The following SLCO2A1 variants were observed in gnomAD, a reference collection of about 807,000 sequenced individuals.
SLCO2A1 encodes the protein solute carrier organic anion transporter family member 2A1.
A neutral mutation model predicts 71.7 loss-of-function variants in SLCO2A1; 60 were observed. The ratio of observed to expected loss-of-function variants is 0.84; its 90% confidence interval spans 0.68 to 1.04. The LOEUF (loss-of-function observed/expected upper bound fraction) is 1.04. Ranked by LOEUF, SLCO2A1 falls within the 50% of genes least tolerant of loss-of-function variation. The pLI, the probability that SLCO2A1 is intolerant of heterozygous loss-of-function variation, is 0.00. For synonymous variants in SLCO2A1, 308 were observed against 326.7 expected (o/e 0.94, Z 0.62); for missense variants, 745 against 813.4 (o/e 0.92, Z 1.02).
intron 4 of SLCO2A1, among the ~76,000 whole-genome samples, chr3:133,954,738 G>A (rs1933838604): frequency 6.6e-6 from 1 of 152,176 alleles, no homozygotes; most frequent in South Asian, 2.1e-4. Flanking sequence ...TCCTCCTGGA[G>A]GTGAGAAACC....
chr3:134,017,866 G>T (rs1354120166), intron 1 of SLCO2A1, among the ~76,000 whole-genome samples: 1 of 152,170 alleles, frequency 6.6e-6, no homozygotes, highest in Non-Finnish European at 1.5e-5. Context: ...GGGAAGCCAC[G>T]TGCACATCTC....
intron 3 of SLCO2A1, among the ~76,000 whole-genome samples, chr3:133,960,793 G>A (rs936160208): frequency 6.6e-6 from 1 of 152,120 alleles, no homozygotes. Flanking sequence ...TATGAGAGAG[G>A]CAGCAGACCC....
chr3:133,949,102 T>C (rs1933669305), intron 6 of SLCO2A1, 131 bp from the exon 7 acceptor site: 1 of 696,448 alleles, frequency 1.4e-6, no homozygotes, highest in Admixed American at 2.4e-5. Flanking sequence ...CGTGTGTGCA[T>C]GGGAGGGCAT....
chr3:133,963,819 AC>A (rs57192181), intron 3 of SLCO2A1, among the ~76,000 whole-genome samples: 34,721 of 152,072 alleles, frequency 0.23, 4,164 homozygotes, highest in East Asian at 0.32. Context: ...ACTCTGAAGG[AC>A]TTATTTCCTC....
At chr3:133,999,376 A>G (rs1160602650) in intron 1 of SLCO2A1, among the ~76,000 whole-genome samples, 1 of 152,170 alleles carries the variant, frequency 6.6e-6, no homozygotes, top group African/African-American at 2.4e-5. Context: ...GGGTGGGTGT[A>G]TTATTGCTAA....
chr3:134,005,153 G>A (rs367674236), intron 1 of SLCO2A1, among the ~76,000 whole-genome samples: 122 of 152,308 alleles, frequency 8.0e-4, no homozygotes, highest in African/African-American at 2.8e-3. Flanking sequence ...TAGGTTTCTT[G>A]TAGATTATCA....
intron 12 of SLCO2A1, among the ~76,000 whole-genome samples, chr3:133,936,406 C>T (rs184859437): frequency 4.6e-5 from 7 of 152,314 alleles, no homozygotes; most frequent in Non-Finnish European, 2.9e-5. Flanking sequence ...ACTTCCACCA[C>T]ACCAAGCTGC....
In SLCO2A1 at chr3:134,021,496, C is replaced by A. The variant is rs60172210; in HGVS notation, c.96+8211G>T. 7.5e-3 allele frequency among the ~76,000 whole-genome samples: 1,143 copies of A among 152,000 alleles called. 23 individuals are homozygous for A. Among genetic ancestry groups the A allele is most frequent in the African/African-American group, 0.027 (1,112 of 41,444 alleles). On this transcript the variant is annotated intron_variant, in intron 1 of 13. Transcript: ENST00000310926. ...ACACTTGGTTACAGCTGGTTTTAGA[C>A]CCCCCGCCCCCAACACACAGTGGTT...
chr3:133,978,632 G>A, intron 2 of SLCO2A1, among the ~76,000 whole-genome samples: 1 of 152,094 alleles, frequency 6.6e-6, no homozygotes, highest in Admixed American at 6.5e-5. Context: ...GTCAAGGGAA[G>A]ACCTCATGAT....
chr3:133,958,452 A>C (rs897701421), intron 3 of SLCO2A1, among the ~76,000 whole-genome samples: 1 of 152,224 alleles, frequency 6.6e-6, no homozygotes, highest in Non-Finnish European at 1.5e-5. Flanking sequence ...GGTGGGTAAG[A>C]GTTTATATGC....
intron 3 of SLCO2A1, among the ~76,000 whole-genome samples, chr3:133,964,837 T>C (rs1222668549): frequency 1.3e-5 from 2 of 152,040 alleles, no homozygotes; most frequent in Non-Finnish European, 2.9e-5. Context: ...CAAGGCAGGG[T>C]GCTATATTGC....
At chr3:134,006,607 G>C (rs1315958963) in intron 1 of SLCO2A1, among the ~76,000 whole-genome samples, 1 of 152,156 alleles carries the variant, frequency 6.6e-6, no homozygotes, top group Non-Finnish European at 1.5e-5. Flanking sequence ...ATTTCATTTA[G>C]AGTAATGTCA....
At chr3:134,012,842 G>A (rs369996426) in intron 1 of SLCO2A1, among the ~76,000 whole-genome samples, 1 of 151,956 alleles carries the variant, frequency 6.6e-6, no homozygotes, top group Non-Finnish European at 1.5e-5. Flanking sequence ...GACTCTCCTC[G>A]GCACTTCCCC....
rs2108034737 is a variant in SLCO2A1 at position 133,934,685 on chromosome 3, T to C, written c.*28A>G. 5 of 1,498,438 alleles carry C rather than the reference T, an allele frequency of 3.3e-6. No individual in the cohort carries two copies. The East Asian group carries it at 9.0e-5, about 27-fold the overall frequency. 92.8% of individuals were successfully genotyped at this position (1,498,438 alleles called of 1,614,324 possible). On this transcript the variant is annotated 3_prime_UTR_variant, in exon 14 of 14. Coordinates refer to ENST00000310926, the MANE Select transcript of SLCO2A1 (RefSeq NM_005630.3). ...TGTGGAAGAGTCAAGGTCCACTCTC[T>C]GGAGCAGGGCAGTGGCCCAGGGTGG...
intron 1 of SLCO2A1, among the ~76,000 whole-genome samples, chr3:133,990,470 A>G (rs1480661922): frequency 1.3e-5 from 2 of 152,214 alleles, no homozygotes; most frequent in African/African-American, 4.8e-5. Context: ...GCTTCAAGAA[A>G]TATGTACTTG....
intron 1 of SLCO2A1, among the ~76,000 whole-genome samples, chr3:134,000,220 G>A (rs578231213): frequency 3.2e-4 from 48 of 152,310 alleles, no homozygotes; most frequent in Non-Finnish European, 5.4e-4. Flanking sequence ...TTGAGGCTGT[G>A]GGGCTGGGAG....
At position 133,940,783 on chromosome 3, in the gene SLCO2A1, A is replaced by G. The variant is rs187682412; in HGVS notation, c.1625+1822T>C. On this transcript the variant is annotated intron_variant, in intron 11 of 13. Transcript: ENST00000310926. The stretch of plus-strand genomic sequence containing the variant: ...CGCCGTGGGTTCCAAGCATCCCTGC[A>G]CCTTCTTGCTGAGTAAGCTCAGAAT... 9.8e-5 allele frequency among the ~76,000 whole-genome samples: 15 copies of G among 152,286 alleles called. No individual in the cohort carries two copies. In the East Asian group the frequency reaches 2.1e-3, roughly 22 times the overall value.
rs148458773 is a variant in SLCO2A1 at position 133,958,977 on chromosome 3, G to A, written c.398-3784C>T. ...TGGCAGGACCAAGTCTAAGTTATGTGGGAGCACGGTTTAAAGCAAATCACA... is the reference window on the plus strand; with the variant it reads ...TGGCAGGACCAAGTCTAAGTTATGTAGGAGCACGGTTTAAAGCAAATCACA... On this transcript the variant is annotated intron_variant, in intron 3 of 13. Coordinates refer to ENST00000310926, the MANE Select transcript of SLCO2A1 (RefSeq NM_005630.3). 5.5e-3 allele frequency among the ~76,000 whole-genome samples: 835 copies of A among 152,266 alleles called. 6 individuals are homozygous for A. The highest frequency in any genetic ancestry group is 0.019 in the African/African-American group (806 of 41,540).
At chr3:134,010,866 G>T (rs139250384) in intron 1 of SLCO2A1, among the ~76,000 whole-genome samples, 1 of 151,842 alleles carries the variant, frequency 6.6e-6, no homozygotes, top group East Asian at 1.9e-4. Flanking sequence ...GTCCCTCCTC[G>T]GACATGTGGG....
Sources: allele counts gnomAD v4.1 joint callset (sites outside exome capture counted in the v4.1 genomes callset), GRCh38; gene constraint gnomAD v4.1.1; transcripts MANE v1.5; gene names NCBI Gene and HGNC (gene_info 2026-07-23, HGNC 2026-07-21).